The following TSPAN9 variants were observed in gnomAD, a reference collection of about 807,000 sequenced individuals.
The protein encoded by TSPAN9 is tetraspanin-9.
In TSPAN9, 16 loss-of-function variants were observed where a neutral mutation model predicts 31.0. The observed-to-expected ratio is 0.52, with a 90% confidence interval of 0.35 to 0.78. TSPAN9 has a LOEUF of 0.78. TSPAN9 is among the 30% of genes least tolerant of loss of function. The probability of loss-of-function intolerance (pLI) is 0.01; values close to 1 mark genes in which losing one functional copy is unlikely to be tolerated. For synonymous variants in TSPAN9, 145 were observed against 121.6 expected (o/e 1.19, Z -1.27); for missense variants, 272 against 312.5 (o/e 0.87, Z 0.98).
At chr12:3,254,192 C>T (rs1386488050) in intron 3 of TSPAN9, among the ~76,000 whole-genome samples, 1 of 152,234 alleles carries the variant, frequency 6.6e-6, no homozygotes, top group Non-Finnish European at 1.5e-5. Flanking sequence ...ACAGGCTGGG[C>T]AGGGGCCCAT....
chr12:3,098,675 A>AT (rs1228826033), intron 2 of TSPAN9, among the ~76,000 whole-genome samples: 3 of 144,788 alleles, frequency 2.1e-5, no homozygotes, highest in Admixed American at 6.9e-5. Flanking sequence ...ATGAGGTTTC[A>AT]TTTTTCATTG....
chr12:3,273,743 C>G (rs1279186799), intron 3 of TSPAN9, among the ~76,000 whole-genome samples: 2 of 152,188 alleles, frequency 1.3e-5, no homozygotes, highest in Non-Finnish European at 2.9e-5. Context: ...CTGCCCGCTG[C>G]ACTGGCTTCA....
chr12:3,278,933 C>T (rs758376807), intron 4 of TSPAN9, 59 bp from the exon 5 acceptor site: 134 of 1,573,102 alleles, frequency 8.5e-5, no homozygotes, highest in Non-Finnish European at 1.1e-4. Flanking sequence ...CTTCCACACC[C>T]TCCTTGTCCT....
intron 6 of TSPAN9, 150 bp from the exon 7 acceptor site, chr12:3,281,048 A>C: frequency 3.1e-6 from 4 of 1,299,146 alleles, no homozygotes; most frequent in South Asian, 1.5e-5. Context: ...AGCCCAAAGA[A>C]GGGACAAGAA....
chr12:3,258,300 C>G (rs923624603), intron 3 of TSPAN9, among the ~76,000 whole-genome samples: 9 of 152,214 alleles, frequency 5.9e-5, no homozygotes, highest in Middle Eastern at 3.4e-3. Context: ...GAAGGGAGAG[C>G]CTTGGCGAGA....
intron 2 of TSPAN9, among the ~76,000 whole-genome samples, chr12:3,093,251 T>C (rs967542369): frequency 8.5e-5 from 13 of 152,230 alleles, no homozygotes; most frequent in African/African-American, 2.7e-4. Context: ...TTGGTTGTGC[T>C]GTGCCCATCA....
At chr12:3,274,109 C>T (rs1039236804) in intron 3 of TSPAN9, among the ~76,000 whole-genome samples, 1 of 152,192 alleles carries the variant, frequency 6.6e-6, no homozygotes, top group African/African-American at 2.4e-5. Context: ...TGTGGACTGT[C>T]CTGTGCACTG....
intron 2 of TSPAN9, among the ~76,000 whole-genome samples, chr12:3,129,448 T>A (rs2098328803): frequency 6.6e-6 from 1 of 152,236 alleles, no homozygotes; most frequent in African/African-American, 2.4e-5. Flanking sequence ...TTCTACTACC[T>A]CCTGAGAGTC....
intron 3 of TSPAN9, among the ~76,000 whole-genome samples, chr12:3,249,991 C>T (rs982873676): frequency 6.6e-6 from 1 of 152,194 alleles, no homozygotes; most frequent in South Asian, 2.1e-4. Flanking sequence ...AGAAATTAAA[C>T]TTTCCTCCAT....
At chr12:3,108,134 A>G (rs1310848518) in intron 2 of TSPAN9, among the ~76,000 whole-genome samples, 2 of 152,220 alleles carry the variant, frequency 1.3e-5, no homozygotes, top group Non-Finnish European at 1.5e-5. Context: ...ATTGAAAGGA[A>G]TAAGACACAG....
At chr12:3,267,400 T>G (rs1862556680) in intron 3 of TSPAN9, among the ~76,000 whole-genome samples, 1 of 152,200 alleles carries the variant, frequency 6.6e-6, no homozygotes, top group Non-Finnish European at 1.5e-5. Context: ...GAGAAACATC[T>G]CAGAAAGGTT....
chr12:3,141,543 G>A (rs1184611718), intron 2 of TSPAN9, among the ~76,000 whole-genome samples: 11 of 152,052 alleles, frequency 7.2e-5, no homozygotes, highest in East Asian at 5.8e-4. Flanking sequence ...GCGTGACCCC[G>A]TCACCCAGTG....
At chr12:3,129,997 T>G (rs879273091) in intron 2 of TSPAN9, among the ~76,000 whole-genome samples, 1 of 152,212 alleles carries the variant, frequency 6.6e-6, no homozygotes, top group Non-Finnish European at 1.5e-5. Context: ...GATCCCTCCC[T>G]GCATCCTCTT....
chr12:3,223,675 A>G (rs1487903183), intron 3 of TSPAN9, among the ~76,000 whole-genome samples: 8 of 152,170 alleles, frequency 5.3e-5, no homozygotes. Context: ...TTCCTCACCT[A>G]TAAAATGGGA....
At chr12:3,255,466 T>C (rs968823596) in intron 3 of TSPAN9, among the ~76,000 whole-genome samples, 10 of 144,378 alleles carry the variant, frequency 6.9e-5, no homozygotes, top group African/African-American at 2.4e-4. Context: ...ATTAAACTTT[T>C]CTCCAGCACT....
At chr12:3,132,581 C>T (rs1002122800) in intron 2 of TSPAN9, among the ~76,000 whole-genome samples, 11 of 152,164 alleles carry the variant, frequency 7.2e-5, no homozygotes, top group African/African-American at 2.7e-4. Context: ...GTTTGAGTCT[C>T]TCCCACTGTT....
At chr12:3,182,799 A>G (rs966005688) in intron 2 of TSPAN9, among the ~76,000 whole-genome samples, 1 of 152,122 alleles carries the variant, frequency 6.6e-6, no homozygotes, top group Non-Finnish European at 1.5e-5. Flanking sequence ...CCTCCATGCC[A>G]AGGGAGGGGA....
In TSPAN9 at chr12:3,170,146, G is replaced by A. The variant is rs1418837507; in HGVS notation, c.-17-31031G>A. On this transcript the variant is annotated intron_variant, in intron 2 of 8. Transcript: ENST00000011898. The surrounding 1 kb of genome is among the most constrained non-coding windows in gnomAD (Gnocchi z 4.4). ...ACCTGTCTCACTGGGTTGCTGTGAG[G>A]ATTGAGTGAGGCAAACAGCCTGTAA... Among the ~76,000 whole-genome samples the A allele has an allele frequency of 6.6e-6, 1 of 152,170 alleles. No individual in the cohort carries two copies. The highest frequency in any genetic ancestry group is 1.5e-5 in the Non-Finnish European group (1 of 68,030).
At chr12:3,162,475 C>G (rs187112299) in intron 2 of TSPAN9, among the ~76,000 whole-genome samples, 20 of 152,182 alleles carry the variant, frequency 1.3e-4, no homozygotes, top group African/African-American at 4.8e-4. Context: ...CCTGCAGGAA[C>G]CAACAGCAGA....
Sources: allele counts gnomAD v4.1 joint callset (sites outside exome capture counted in the v4.1 genomes callset), GRCh38; gene constraint gnomAD v4.1.1; non-coding constraint Gnocchi (gnomAD v3.1); transcripts MANE v1.5; gene names NCBI Gene and HGNC (gene_info 2026-07-23, HGNC 2026-07-21).